STRA8: variants seen among roughly 807,000 people sequenced by gnomAD.
STRA8 encodes the protein stimulated by retinoic acid gene 8 protein homolog.
STRA8 carries 18 observed loss-of-function variants against 37.1 expected under a neutral mutation model. The ratio of observed to expected loss-of-function variants is 0.48; its 90% CI spans 0.34 to 0.72. The LOEUF (loss-of-function observed/expected upper bound fraction) is 0.72, where lower values mean the gene tolerates loss of function less well. STRA8 is among the 30% of genes least tolerant of loss of function. The pLI is 0.01. For synonymous variants in STRA8, 168 were observed against 162.9 expected (o/e 1.03, Z -0.24); for missense variants, 357 against 410.4 (o/e 0.87, Z 1.13).
intron 1 of STRA8, among the ~76,000 whole-genome samples, 46 bp downstream of exon 1, chr7:135,233,949 A>G (rs943003465): frequency 2.0e-5 from 3 of 152,202 alleles, no homozygotes; most frequent in African/African-American, 4.8e-5. Context: ...GCCCTTGGGC[A>G]TATGAGTGTT....
intron 2 of STRA8, among the ~76,000 whole-genome samples, chr7:135,241,146 A>G (rs1832459032): frequency 6.6e-6 from 1 of 152,200 alleles, no homozygotes; most frequent in African/African-American, 2.4e-5. Context: ...CATTCAGACC[A>G]CAGCAGGTGG....
At chr7:135,243,266 A>C in intron 3 of STRA8, 60 bp from the exon 4 acceptor site, 3 of 1,578,558 alleles carry the variant, frequency 1.9e-6, no homozygotes, top group South Asian at 1.1e-5. Flanking sequence ...GAAGGGTGGG[A>C]GAGACTCAAC....
intron 7 of STRA8, 107 bp downstream of exon 7, chr7:135,251,976 T>TTAGAGA: frequency 2.2e-6 from 2 of 917,412 alleles, no homozygotes; most frequent in Middle Eastern, 3.3e-4. Flanking sequence ...ATGTGGTAAG[T>TTAGAGA]CAGAGACAGA....
At chr7:135,251,765 C>A in intron 6 of STRA8, 31 bp from the exon 7 acceptor site, 11 of 1,608,754 alleles carry the variant, frequency 6.8e-6, no homozygotes, top group Non-Finnish European at 9.4e-6. Context: ...CAAGTTATTT[C>A]CAACACATGA....
At position 135,251,820 on chromosome 7, in the gene STRA8, G is replaced by A. The variant is rs1237278664; in HGVS notation, c.904G>A (p.Val302Met). 5.0e-6 allele frequency: 8 copies of A among 1,614,036 alleles called. No homozygotes were observed. The highest frequency in any genetic ancestry group is 1.3e-5 in the African/African-American group (1 of 74,902). The change falls in exon 7 of 9, where the codon GTG (valine) becomes ATG (methionine). Residue 302 changes from valine (V) to methionine (M), a missense_variant. Coordinates refer to ENST00000662584, the MANE Select transcript of STRA8 (RefSeq NM_001394401.1). ...GATCCTTTTTGAGGATGCCTTTGATGTGGCAAGCTTCCTGGACAAAAGTGA... is the reference window on the plus strand; with the variant it reads ...GATCCTTTTTGAGGATGCCTTTGATATGGCAAGCTTCCTGGACAAAAGTGA... ...EEILFEDAFDVASFLDKSEVP... is the reference protein window; with the variant it reads ...EEILFEDAFDMASFLDKSEVP...
At position 135,246,848 on chromosome 7, in the gene STRA8, CTTT is replaced by C. The variant is rs144431845; in HGVS notation, c.879+158_879+160del. On this transcript the variant is annotated intron_variant, in intron 6 of 8. Transcript: ENST00000662584. The surrounding 1 kb of genome is among the most constrained non-coding windows in gnomAD (Gnocchi z 5.4). ...GTCGGTTTCTGATTTTCTTTTTTCT[CTTT>C]TTTTTTTTTTTGAGACGGAGTCTCG... is the stretch of plus-strand genomic sequence containing the variant. The C allele has an allele frequency of 9.7e-4, 653 of 672,648 alleles. No homozygotes were observed. The highest frequency in any genetic ancestry group is 1.3e-3 in the South Asian group (54 of 41,722). 41.7% of individuals were successfully genotyped at this position (672,648 alleles called of 1,614,324 possible).
chr7:135,232,026 C>G (rs781689842), upstream of STRA8: 6 of 1,613,902 alleles, frequency 3.7e-6, no homozygotes, highest in African/African-American at 6.7e-5. Flanking sequence ...ATCAAGAAAT[C>G]AGGCTGTGGC....
chr7:135,246,138 G>C lies in STRA8; in HGVS notation c.594-279G>C. 1 of 500,020 alleles carries C rather than the reference G, an allele frequency of 2.0e-6. No homozygotes were observed. The highest frequency in any genetic ancestry group is 3.6e-5 in the East Asian group (1 of 27,512). 31.0% of individuals were successfully genotyped at this position (500,020 alleles called of 1,614,324 possible). A position where few individuals can be genotyped will look rare whatever the true frequency, so the allele number is the denominator to read the frequency against. On this transcript the variant is annotated intron_variant, in intron 5 of 8. Transcript: ENST00000662584. This position sits in a 1 kb window ranked among gnomAD's most constrained non-coding sequence, Gnocchi z 5.4. ...TTAGGATGAGAGCTGAGGCAGCTAC[G>C]CCTCTTATCTGCTTCTGTCTAACAC...
chr7:135,237,005 G>T (rs1181012402), intron 1 of STRA8, among the ~76,000 whole-genome samples: 2 of 152,212 alleles, frequency 1.3e-5, no homozygotes, highest in African/African-American at 4.8e-5. Flanking sequence ...GAACATGATT[G>T]AGTTAGAAAC....
intron 7 of STRA8, 38 bp downstream of exon 7, chr7:135,251,907 T>G: frequency 6.3e-7 from 1 of 1,594,764 alleles, no homozygotes; most frequent in Non-Finnish European, 8.6e-7. Context: ...TGCCCCTGTG[T>G]GGGTGGATGT....
chr7:135,232,269 T>G (rs866434746), upstream of STRA8, among the ~76,000 whole-genome samples: 3 of 151,138 alleles, frequency 2.0e-5, no homozygotes, highest in South Asian at 6.3e-4. Flanking sequence ...CAGGTAGGGC[T>G]GGTGGTGGGA....
Position 135,246,481 on chromosome 7 carries a change from G to A in STRA8, c.658G>A (p.Glu220Lys), listed in dbSNP as rs1245299961. The A allele has an allele frequency of 6.3e-7, 1 of 1,588,316 alleles. No homozygotes were observed. ...LTGSGIITPQ[E>K]AALPIVSAAI... ...TGGCAGCGGGATCATTACCCCGCAG[G>A]AGGCGGCGCTGCCCATCGTCTCCGC... Residue 220 changes from glutamate (E) to lysine (K), a missense_variant, in exon 6 of 9, where the codon GAG becomes AAG. Physicochemically the swap from Glu to Lys is moderately conservative, Grantham distance 56. Transcript: ENST00000662584. The surrounding 1 kb of genome is among the most constrained non-coding windows in gnomAD (Gnocchi z 5.4).
At chr7:135,238,028 A>G (rs1053387763) in intron 1 of STRA8, among the ~76,000 whole-genome samples, 1 of 152,226 alleles carries the variant, frequency 6.6e-6, no homozygotes, top group African/African-American at 2.4e-5. Flanking sequence ...CGGATCATAC[A>G]TAGCACAGTG....
chr7:135,247,629 T>A (rs990409119), intron 6 of STRA8, among the ~76,000 whole-genome samples: 1 of 152,206 alleles, frequency 6.6e-6, no homozygotes, highest in Non-Finnish European at 1.5e-5. Flanking sequence ...ATAGAGGGAA[T>A]CACACTTGGA....
At chr7:135,232,123 G>A (rs1832302189), upstream of STRA8, 3 of 1,270,980 alleles carry the variant, frequency 2.4e-6, no homozygotes, top group South Asian at 1.2e-5. Context: ...AGTGGTTGGG[G>A]CGGGAGGTGG....
In STRA8 at chr7:135,235,928, G is replaced by C. The variant is rs376388063; in HGVS notation, c.-7+2025G>C. 8.5e-5 allele frequency among the ~76,000 whole-genome samples: 13 copies of C among 152,116 alleles called. No individual in the cohort carries two copies. In the East Asian group the frequency reaches 1.5e-3, roughly 18 times the overall value. On this transcript the variant is annotated intron_variant, in intron 1 of 8. Coordinates refer to ENST00000662584, the MANE Select transcript of STRA8 (RefSeq NM_001394401.1). ...GTTCAAGACCAACCCGGGCAACATA[G>C]TGAGACCCTGTCTCTACAGAAAAAT...
intron 8 of STRA8, among the ~76,000 whole-genome samples, chr7:135,255,875 T>C (rs1832697664): frequency 6.6e-6 from 1 of 152,248 alleles, no homozygotes; most frequent in African/African-American, 2.4e-5. Context: ...TTCATAAATG[T>C]TGTGTGAACC....
rs1016381200 is a variant in STRA8 at position 135,240,700 on chromosome 7, A to T, written c.176A>T (p.Asp59Val). 7.4e-6 allele frequency: 12 copies of T among 1,613,884 alleles called. No individual in the cohort carries two copies. The African/African-American group carries it at 1.6e-4, about 22-fold the overall frequency. ...AGGAAGACAGTGTACTCTCAGTCTGATCTCATAGCCTCAAAGGTATGGGGA... is the reference window on the plus strand; with the variant it reads ...AGGAAGACAGTGTACTCTCAGTCTGTTCTCATAGCCTCAAAGGTATGGGGA... ...NLRKTVYSQS[D>V]LIASKWQVLN... The change falls in exon 2 of 9, where the codon GAT becomes GTT. Residue 59 changes from aspartate to valine, a missense_variant. Physicochemically the swap from Asp to Val is radical, Grantham distance 152 (BLOSUM62 -3). Coordinates refer to ENST00000662584, the MANE Select transcript of STRA8 (RefSeq NM_001394401.1).
intron 1 of STRA8, among the ~76,000 whole-genome samples, chr7:135,238,688 T>C (rs1832415847): frequency 6.6e-6 from 1 of 152,198 alleles, no homozygotes; most frequent in Non-Finnish European, 1.5e-5. Context: ...CTCCTTAATT[T>C]AAACAAGTAA....
Sources: allele counts gnomAD v4.1 joint callset (sites outside exome capture counted in the v4.1 genomes callset), GRCh38; gene constraint gnomAD v4.1.1; non-coding constraint Gnocchi (gnomAD v3.1); transcripts MANE v1.5; gene names NCBI Gene and HGNC (gene_info 2026-07-23, HGNC 2026-07-21).